PPM1G: variants seen among roughly 807,000 people sequenced by gnomAD.
PPM1G encodes protein phosphatase 1G.
PPM1G carries 12 observed loss-of-function variants against 59.4 expected under a neutral mutation model. That is an observed-to-expected ratio of 0.20 (90% CI 0.13 to 0.33). The LOEUF (loss-of-function observed/expected upper bound fraction) is 0.33. Ranked by LOEUF, PPM1G falls within the 10% of genes least tolerant of loss-of-function variation. The pLI is 1.00. For synonymous variants in PPM1G, 245 were observed against 251.9 expected, an observed-to-expected ratio of 0.97 and a Z score of 0.26; for missense variants, 392 against 681.3, an observed-to-expected ratio of 0.58 and a Z score of 4.73.
Position 27,387,173 on chromosome 2 carries a change from G to A in PPM1G, c.121-15C>T, listed in dbSNP as rs773337187. On this transcript the variant is annotated splice_polypyrimidine_tract_variant and intron_variant, in intron 1 of 9. Coordinates refer to ENST00000344034, the MANE Select transcript of PPM1G (RefSeq NM_177983.3). Reference sequence around the variant, plus strand: ...TTGTGAGCATCCTAGGAAAAGAAGAGCATAATCGGCATGTCTCAAGGTCGA... The same window carrying A: ...TTGTGAGCATCCTAGGAAAAGAAGAACATAATCGGCATGTCTCAAGGTCGA... The A allele has an allele frequency of 1.3e-6, 2 of 1,596,168 alleles. No individual in the cohort carries two copies. The highest frequency in any genetic ancestry group is 1.7e-5 in the Admixed American group (1 of 59,976).
intron 2 of PPM1G, 90 bp from the exon 3 acceptor site, chr2:27,386,369 C>T: frequency 3.1e-6 from 3 of 959,942 alleles, no homozygotes; most frequent in South Asian, 2.7e-5. Flanking sequence ...GGAGTGAACC[C>T]CAAGGGTTGA....
chr2:27,387,455 C>A (rs1006463788), intron 1 of PPM1G, among the ~76,000 whole-genome samples: 4 of 152,092 alleles, frequency 2.6e-5, no homozygotes, highest in African/African-American at 9.7e-5. Flanking sequence ...TAAACCTGAC[C>A]CTTTTGGATC....
chr2:27,402,158 A>C (rs1684193180), intron 1 of PPM1G, among the ~76,000 whole-genome samples: 1 of 152,194 alleles, frequency 6.6e-6, no homozygotes, highest in African/African-American at 2.4e-5. Context: ...TTCATCTCTG[A>C]ACTAGATCTA....
chr2:27,405,029 C>T (rs1034270049), intron 1 of PPM1G, among the ~76,000 whole-genome samples: 1 of 5,198 alleles, frequency 1.9e-4, no homozygotes, highest in Non-Finnish European at 3.7e-4. Context: ...AACTCAAGGG[C>T]CTTACCTTAT....
intron 1 of PPM1G, among the ~76,000 whole-genome samples, chr2:27,394,518 C>G (rs1444178355): frequency 6.6e-6 from 1 of 151,606 alleles, no homozygotes; most frequent in Non-Finnish European, 1.5e-5. Flanking sequence ...ATCTCTAGGT[C>G]AAGAGATTGA....
In PPM1G at chr2:27,407,966, G is replaced by A. The variant is rs150306439; in HGVS notation, c.120+1337C>T. Among the ~76,000 whole-genome samples, 448 of 151,976 alleles carry A rather than the reference G, an allele frequency of 2.9e-3. 11 individuals carry two copies. In the East Asian group the frequency reaches 0.067, roughly 23 times the overall value. The stretch of plus-strand genomic sequence containing the variant: ...GGAGGCTGAGGCAGGAGAATTGCTC[G>A]AACCTGGGAGGCGGAGGTTGCGGTG... On this transcript the variant is annotated intron_variant, in intron 1 of 9. Coordinates refer to ENST00000344034, the MANE Select transcript of PPM1G (RefSeq NM_177983.3).
intron 1 of PPM1G, among the ~76,000 whole-genome samples, chr2:27,395,651 T>C (rs575001914): frequency 2.0e-4 from 31 of 152,138 alleles, no homozygotes; most frequent in Non-Finnish European, 4.1e-4. Context: ...AAGACCAGCC[T>C]GGGTAACACT....
intron 1 of PPM1G, chr2:27,393,385 G>C: frequency 1.3e-6 from 2 of 1,503,414 alleles, no homozygotes; most frequent in Non-Finnish European, 1.8e-6. Flanking sequence ...ACTAAGGAGA[G>C]GCGGCGGCAG....
At chr2:27,403,096 C>T (rs968525070) in intron 1 of PPM1G, among the ~76,000 whole-genome samples, 2 of 152,026 alleles carry the variant, frequency 1.3e-5, no homozygotes, top group Non-Finnish European at 2.9e-5. Context: ...CTCCTTACCA[C>T]TCAAGCATGG....
chr2:27,385,728 C>T lies in PPM1G; in HGVS notation c.409+19G>A. The T allele has an allele frequency of 6.3e-7, 1 of 1,593,204 alleles. No homozygotes were observed. The highest frequency in any genetic ancestry group is 1.2e-5 in the South Asian group (1 of 86,954). ...CTTAAAATGCTGATTTCCCCTCAAA[C>T]AAGGGATGCCACACTCACCATCATC... On this transcript the variant is annotated intron_variant, in intron 4 of 9. Coordinates refer to ENST00000344034, the MANE Select transcript of PPM1G (RefSeq NM_177983.3). The surrounding 1 kb of genome is among the most constrained non-coding windows in gnomAD (Gnocchi z 4.1).
At chr2:27,393,503 G>A in intron 1 of PPM1G, 1 of 710,070 alleles carries the variant, frequency 1.4e-6, no homozygotes, top group Non-Finnish European at 2.5e-6. Context: ...CGGCCGGGGT[G>A]CAGGACGAGC....
intron 1 of PPM1G, among the ~76,000 whole-genome samples, chr2:27,405,187 C>T (rs1180619509): frequency 6.6e-6 from 1 of 150,970 alleles, no homozygotes; most frequent in Non-Finnish European, 1.5e-5. Flanking sequence ...GATTCTCCTG[C>T]CTCAGCCTCC....
chr2:27,402,380 G>C (rs1423237712), intron 1 of PPM1G, among the ~76,000 whole-genome samples: 1 of 152,172 alleles, frequency 6.6e-6, no homozygotes, highest in African/African-American at 2.4e-5. Flanking sequence ...AGAGGTTAGG[G>C]AAACAGTAGT....
chr2:27,384,554 A>G lies in PPM1G; in HGVS notation c.825+119T>C. On this transcript the variant is annotated intron_variant, in intron 5 of 9. Transcript: ENST00000344034. This position sits in a 1 kb window ranked among gnomAD's most constrained non-coding sequence, Gnocchi z 4.8. ...AATTCAAGACTAAAGCTTAGAATAC[A>G]GTGGGTCTTGGGGGATGATGTCAAA... is the stretch of plus-strand genomic sequence containing the variant. The G allele has an allele frequency of 8.1e-7, 1 of 1,228,892 alleles. No homozygotes were observed. The allele number at this position is 1,228,892 out of a possible 1,614,324, so 76.1% of individuals were successfully genotyped here.
chr2:27,408,062 G>A (rs1354631575), intron 1 of PPM1G, among the ~76,000 whole-genome samples: 1 of 151,534 alleles, frequency 6.6e-6, no homozygotes, highest in African/African-American at 2.4e-5. Flanking sequence ...AAAAAAAAAG[G>A]GAGCCAAAGC....
intron 1 of PPM1G, among the ~76,000 whole-genome samples, chr2:27,401,575 C>T (rs944281843): frequency 6.6e-5 from 10 of 152,172 alleles, no homozygotes; most frequent in African/African-American, 2.4e-4. Context: ...CCTGTAATCC[C>T]AGCACTTTGG....
chr2:27,394,338 A>G (rs927350660), intron 1 of PPM1G, among the ~76,000 whole-genome samples: 11 of 152,202 alleles, frequency 7.2e-5, no homozygotes, highest in Non-Finnish European at 1.5e-4. Flanking sequence ...TTCTTAGTTC[A>G]TAAGTGATAG....
chr2:27,390,184 CA>C (rs571343816), intron 1 of PPM1G, among the ~76,000 whole-genome samples: 161 of 152,142 alleles, frequency 1.1e-3, no homozygotes, highest in African/African-American at 3.6e-3. Flanking sequence ...CACGCCCAGC[CA>C]ATTTTTGTAT....
intron 1 of PPM1G, among the ~76,000 whole-genome samples, chr2:27,406,954 T>G (rs1228126585): frequency 2.0e-5 from 3 of 151,120 alleles, no homozygotes; most frequent in Non-Finnish European, 4.4e-5. Context: ...TACCCAGATT[T>G]ATTTATTTAT....
Sources: gnomAD v4.1 joint callset for allele counts (sites outside exome capture counted in the v4.1 genomes callset) on GRCh38, gnomAD v4.1.1 for gene constraint, Gnocchi (gnomAD v3.1) non-coding constraint, MANE v1.5 for transcripts, NCBI Gene and HGNC (gene_info 2026-07-23, HGNC 2026-07-21) for gene names.